DMC1: variants seen among roughly 807,000 people sequenced by gnomAD.
DMC1 encodes the protein meiotic recombination protein DMC1 homolog.
A neutral mutation model predicts 50.1 loss-of-function variants in DMC1; 27 were observed. That is an observed-to-expected ratio of 0.54 (90% CI 0.40 to 0.74). DMC1 has a LOEUF of 0.74. Ranked by LOEUF, DMC1 falls within the 30% of genes least tolerant of loss-of-function variation. DMC1 has a pLI of 0.00. For synonymous variants in DMC1, 148 were observed against 136.1 expected (o/e 1.09, Z -0.61); for missense variants, 295 against 420.2 (o/e 0.70, Z 2.60).
chr22:38,515,259 C>A (rs1363577635), downstream of DMC1, among the ~76,000 whole-genome samples: 1 of 150,656 alleles, frequency 6.6e-6, no homozygotes, highest in African/African-American at 2.4e-5. Flanking sequence ...AGGTGGATCA[C>A]CTGAGGTCAG....
the DMC1 span, among the ~76,000 whole-genome samples, chr22:38,510,006 C>A: frequency 6.6e-6 from 1 of 152,018 alleles, no homozygotes. Context: ...TAGGCCGGGC[C>A]TAATAGAAAT....
intron 4 of DMC1, among the ~76,000 whole-genome samples, chr22:38,565,882 A>G (rs1431728367): frequency 6.6e-6 from 1 of 152,172 alleles, no homozygotes; most frequent in Non-Finnish European, 1.5e-5. Flanking sequence ...TCAATCTCCT[A>G]TACCAGGAGA....
chr22:38,555,836 A>T (rs11570401), intron 5 of DMC1, among the ~76,000 whole-genome samples: 2,557 of 146,672 alleles, frequency 0.017, 27 homozygotes, highest in East Asian at 0.054. Context: ...TATTATTATT[A>T]TTTTTTTTTT....
chr22:38,568,311 T>G (rs1475890156), intron 1 of DMC1, 22 bp from the exon 2 acceptor site: 4 of 1,569,680 alleles, frequency 2.5e-6, no homozygotes, highest in Non-Finnish European at 2.6e-6. Flanking sequence ...AGAAATATTA[T>G]GTAAGAAGTA....
intron 12 of DMC1, among the ~76,000 whole-genome samples, chr22:38,523,458 G>A (rs571957115): frequency 1.4e-4 from 21 of 152,310 alleles, no homozygotes; most frequent in Admixed American, 5.2e-4. Context: ...TATGAACTCC[G>A]AGCCTGCAAA....
chr22:38,533,605 T>C (rs1449983188), intron 12 of DMC1, among the ~76,000 whole-genome samples: 2 of 152,142 alleles, frequency 1.3e-5, no homozygotes, highest in Non-Finnish European at 2.9e-5. Context: ...ATATGATGCA[T>C]TGCTTCTGTT....
At chr22:38,568,923 A>C (rs5757151) in intron 1 of DMC1, among the ~76,000 whole-genome samples, 73,074 of 151,920 alleles carry the variant, frequency 0.48, 19,957 homozygotes, top group African/African-American at 0.76. Context: ...CCGGGTGTGG[A>C]GGCTCATGCC....
At chr22:38,511,402 A>C in the DMC1 span, among the ~76,000 whole-genome samples, 18 of 152,018 alleles carry the variant, frequency 1.2e-4, no homozygotes, top group African/African-American at 4.1e-4. Context: ...AACATAGTGA[A>C]ATCTCAGCTC....
chr22:38,549,201 G>A (rs2090376778), intron 8 of DMC1, among the ~76,000 whole-genome samples: 2 of 152,044 alleles, frequency 1.3e-5, no homozygotes. Context: ...CCATATCCTG[G>A]AATACCTTAC....
At chr22:38,536,986 G>T (rs1267847069) in intron 12 of DMC1, among the ~76,000 whole-genome samples, 1 of 152,002 alleles carries the variant, frequency 6.6e-6, no homozygotes, top group South Asian at 2.1e-4. Flanking sequence ...GAATAGCTGG[G>T]ATTACAGGTG....
chr22:38,516,476 A>C (rs1171372630), downstream of DMC1, among the ~76,000 whole-genome samples: 1 of 152,192 alleles, frequency 6.6e-6, no homozygotes, highest in Non-Finnish European at 1.5e-5. Context: ...CTGGGCTGCT[A>C]TGCAAATTGG....
intron 7 of DMC1, among the ~76,000 whole-genome samples, chr22:38,551,116 T>A (rs942766874): frequency 2.0e-5 from 3 of 149,738 alleles, no homozygotes; most frequent in Non-Finnish European, 4.4e-5. Flanking sequence ...GGCATGGTCG[T>A]GAGTGCCTGT....
At chr22:38,518,687 C>T (rs925010349), downstream of DMC1, among the ~76,000 whole-genome samples, 9 of 151,958 alleles carry the variant, frequency 5.9e-5, no homozygotes, top group South Asian at 2.1e-4. Context: ...CACACCAGCA[C>T]GCCTGGCTAA....
At chr22:38,555,033 G>A (rs1335365926) in intron 6 of DMC1, among the ~76,000 whole-genome samples, 5 of 150,428 alleles carry the variant, frequency 3.3e-5, no homozygotes, top group Admixed American at 2.0e-4. Context: ...GCAGGAAGCC[G>A]AGATTGCGCC....
intron 6 of DMC1, among the ~76,000 whole-genome samples, chr22:38,555,089 CAAA>C (rs56405720): frequency 2.3e-5 from 2 of 87,694 alleles, no homozygotes; most frequent in Admixed American, 1.3e-4. Context: ...GACTCCGTCT[CAAA>C]AAAAAAAAAA....
At chr22:38,513,083 CAAAAAA>C in the DMC1 span, among the ~76,000 whole-genome samples, 1 of 114,296 alleles carries the variant, frequency 8.7e-6, no homozygotes, top group African/African-American at 3.2e-5. Context: ...GAGTCTGTCT[CAAAAAA>C]AAAAAAAAGG....
At chr22:38,520,113 A>G in intron 13 of DMC1, 24 bp from the exon 14 acceptor site, 1 of 1,591,378 alleles carries the variant, frequency 6.3e-7, no homozygotes, top group Non-Finnish European at 8.6e-7. Flanking sequence ...AGGGAACAGA[A>G]GTTTATAAAA....
intron 5 of DMC1, 138 bp downstream of exon 5, chr22:38,562,149 G>GA (rs200539705): frequency 0.01 from 5,911 of 587,276 alleles, no homozygotes; most frequent in South Asian, 0.012. Flanking sequence ...TTATCATTTA[G>GA]AAAAAAAAAC....
the DMC1 span, among the ~76,000 whole-genome samples, chr22:38,510,327 C>T: frequency 4.6e-5 from 7 of 151,774 alleles, no homozygotes; most frequent in African/African-American, 1.2e-4. Context: ...TGATGGTGGG[C>T]GCCTGTAATC....
Sources: gnomAD v4.1 joint callset for allele counts (sites outside exome capture counted in the v4.1 genomes callset) on GRCh38, gnomAD v4.1.1 for gene constraint, MANE v1.5 for transcripts, NCBI Gene and HGNC (gene_info 2026-07-23, HGNC 2026-07-21) for gene names.